The following RBM17 variants were observed in gnomAD, a reference collection of about 807,000 sequenced individuals.
RBM17 encodes the protein splicing factor 45.
Under a neutral mutation model 53.2 loss-of-function variants are expected in RBM17, and 7 were observed. The observed-to-expected ratio is 0.13, with a 90% confidence interval of 0.07 to 0.25. RBM17 has a LOEUF of 0.25. RBM17 is among the 10% of genes least tolerant of loss of function. RBM17 has a pLI of 1.00. For synonymous variants in RBM17, 167 were observed against 178.1 expected (o/e 0.94, Z 0.50); for missense variants, 257 against 496.7 (o/e 0.52, Z 4.59).
chr10:6,105,209 C>A, intron 4 of RBM17, 112 bp downstream of exon 4: 2 of 935,442 alleles, frequency 2.1e-6, no homozygotes, highest in South Asian at 3.4e-5. Context: ...CATGGGTGAT[C>A]TGAGCAGTCA....
At position 6,089,457 on chromosome 10, in the gene RBM17, C is replaced by G. The variant is rs535541293; in HGVS notation, c.-19+264C>G. ...CCTTCTCCCTCTTCCCTTCCTCCTC[C>G]TCCTCCTCATGTCTGCCTCGGGCTG... On this transcript the variant is annotated intron_variant, in intron 1 of 11. Transcript: ENST00000379888. The surrounding 1 kb of genome is among the most constrained non-coding windows in gnomAD (Gnocchi z 5.6). The G allele has an allele frequency of 1.9e-4, 29 of 154,598 alleles. No homozygotes were observed. In the South Asian group the frequency reaches 2.1e-3, roughly 11 times the overall value. 9.6% of individuals were successfully genotyped at this position (154,598 alleles called of 1,614,324 possible).
intron 1 of RBM17, among the ~76,000 whole-genome samples, chr10:6,090,984 C>A (rs970828952): frequency 1.4e-5 from 2 of 143,020 alleles, no homozygotes; most frequent in African/African-American, 5.2e-5. Context: ...GTATATTTGC[C>A]ATATATATGT....
chr10:6,089,615 C>G lies in RBM17; in HGVS notation c.-19+422C>G, dbSNP rs1840449714. On this transcript the variant is annotated intron_variant, in intron 1 of 11. Coordinates refer to ENST00000379888, the MANE Select transcript of RBM17 (RefSeq NM_032905.5). This position sits in a 1 kb window ranked among gnomAD's most constrained non-coding sequence, Gnocchi z 5.6. ...GGTTGCCCCTCTCTGGGGCTCGGAGCCGGTTCCTCCCGGGGTCTCAGAACT... is the reference window on the plus strand; with the variant it reads ...GGTTGCCCCTCTCTGGGGCTCGGAGGCGGTTCCTCCCGGGGTCTCAGAACT... 1 of 152,574 alleles carries G rather than the reference C, an allele frequency of 6.6e-6. No homozygotes were observed. Among genetic ancestry groups the G allele is most frequent in the South Asian group, 2.1e-4 (1 of 4,834 alleles). The allele number at this position is 152,574 out of a possible 1,614,324, so 9.5% of individuals were successfully genotyped here. A position where few individuals can be genotyped will look rare whatever the true frequency, so the allele number is the denominator to read the frequency against.
Position 6,106,168 on chromosome 10 carries a change from T to C in RBM17, c.435T>C (p.Ser145=), listed in dbSNP as rs550604843. The C allele has an allele frequency of 6.2e-7, 1 of 1,613,650 alleles. No homozygotes were observed. The highest frequency in any genetic ancestry group is 8.5e-7 in the Non-Finnish European group (1 of 1,179,664). Residue 145 remains serine, a synonymous_variant, in exon 5 of 12, where the codon AGT becomes AGC. Coordinates refer to ENST00000379888, the MANE Select transcript of RBM17 (RefSeq NM_032905.5). The stretch of plus-strand genomic sequence containing the variant: ...GGCGTAAAGACAGACATGAAGCAAG[T>C]GGGTTTGCAAGGAGACCAGATCCAG... ...EKRRKDRHEA[S]GFARRPDPDS...
Position 6,106,114 on chromosome 10 carries a change from G to T in RBM17, c.408-27G>T. ...GTCTCTAAATTGGTTCATCTGTGATGAACATTTATTTCCTTTGTTATCACA... is the reference window on the plus strand; with the variant it reads ...GTCTCTAAATTGGTTCATCTGTGATTAACATTTATTTCCTTTGTTATCACA... On this transcript the variant is annotated intron_variant, in intron 4 of 11. Transcript: ENST00000379888. 1.9e-6 allele frequency: 3 copies of T among 1,558,312 alleles called. No individual in the cohort carries two copies. In the South Asian group the frequency reaches 3.3e-5, roughly 17 times the overall value.
intron 1 of RBM17, among the ~76,000 whole-genome samples, chr10:6,090,253 C>T (rs907949046): frequency 2.6e-5 from 4 of 152,136 alleles, no homozygotes; most frequent in African/African-American, 9.7e-5. Flanking sequence ...CGCATATACT[C>T]AAATAGATGG....
intron 2 of RBM17, among the ~76,000 whole-genome samples, chr10:6,100,026 G>T (rs1404582681): frequency 6.6e-6 from 1 of 151,984 alleles, no homozygotes; most frequent in Non-Finnish European, 1.5e-5. Flanking sequence ...CTCCAGCCTG[G>T]TGACAGAGCA....
At chr10:6,102,369 C>T (rs1215501406) in intron 3 of RBM17, among the ~76,000 whole-genome samples, 1 of 152,126 alleles carries the variant, frequency 6.6e-6, no homozygotes, top group Non-Finnish European at 1.5e-5. Context: ...GCCTGTCCTG[C>T]TTATGTTCTG....
At chr10:6,091,268 A>G (rs1840480769) in intron 1 of RBM17, among the ~76,000 whole-genome samples, 1 of 152,208 alleles carries the variant, frequency 6.6e-6, no homozygotes, top group Non-Finnish European at 1.5e-5. Context: ...CATGTTGGCC[A>G]GGCTGGTCTC....
Position 6,112,668 on chromosome 10 carries a change from GA to G in RBM17, c.856+310del. The stretch of plus-strand genomic sequence containing the variant: ...GCAGAAAATGAGTAGTCCTCAGGAA[GA>G]AATCTTGGTTATGTGTTTAGAGCAT... On this transcript the variant is annotated intron_variant, in intron 8 of 11. Coordinates refer to ENST00000379888, the MANE Select transcript of RBM17 (RefSeq NM_032905.5). The surrounding 1 kb of genome is among the most constrained non-coding windows in gnomAD (Gnocchi z 4.4). 2.5e-6 allele frequency: 1 copy of G among 406,692 alleles called. No individual in the cohort carries two copies. Among genetic ancestry groups the G allele is most frequent in the South Asian group, 2.1e-5 (1 of 47,312 alleles). The allele number at this position is 406,692 out of a possible 1,614,324, so 25.2% of individuals were successfully genotyped here.
rs1231508655 is a variant in RBM17 at position 6,117,106 on chromosome 10, ATTG to A, written c.*1556_*1558del. 6.6e-6 allele frequency: 1 copy of A among 152,144 alleles called. No homozygotes were observed. The highest frequency in any genetic ancestry group is 1.5e-5 in the Non-Finnish European group (1 of 68,002). The allele number at this position is 152,144 out of a possible 1,614,324, so 9.4% of individuals were successfully genotyped here. A position where few individuals can be genotyped will look rare whatever the true frequency, so the allele number is the denominator to read the frequency against. The stretch of plus-strand genomic sequence containing the variant: ...CAACCCACCTTTCATGCATGCATTT[ATTG>A]TTGTTATGCTTTGTAAAACATTGTT... On this transcript the variant is annotated 3_prime_UTR_variant, in exon 12 of 12. Transcript: ENST00000379888.
chr10:6,113,475 C>G (rs1307778808), intron 8 of RBM17, 33 bp from the exon 9 acceptor site: 2 of 1,468,624 alleles, frequency 1.4e-6, no homozygotes, highest in South Asian at 1.1e-5. Flanking sequence ...CTGCTCAGTT[C>G]TGTAACACAT....
chr10:6,101,374 C>A lies in RBM17; in HGVS notation c.227C>A (p.Ala76Glu). 6.2e-7 allele frequency: 1 copy of A among 1,611,222 alleles called. No individual in the cohort carries two copies. Among genetic ancestry groups the A allele is most frequent in the Non-Finnish European group, 8.5e-7 (1 of 1,178,348 alleles). ...RQIVDTPPHV[A>E]AGLKDPVPSG... ...ATTGTGGACACTCCACCGCATGTAG[C>A]AGCTGGGCTGAAGGTAAGCCCGCGC... Residue 76 changes from alanine to glutamate, a missense_variant, in exon 3 of 12, where the codon GCA (alanine) becomes GAA (glutamate). By Grantham distance (107) the Ala-to-Glu change is moderately radical. This residue lies in a region of RBM17 where 127 missense variants were observed against 217.2 expected (regional missense o/e 0.58). Coordinates refer to ENST00000379888, the MANE Select transcript of RBM17 (RefSeq NM_032905.5).
intron 6 of RBM17, among the ~76,000 whole-genome samples, chr10:6,108,976 C>A (rs1840797329): frequency 6.6e-6 from 1 of 152,146 alleles, no homozygotes. Context: ...GGATCCATCT[C>A]TTTTTTATGC....
intron 5 of RBM17, among the ~76,000 whole-genome samples, chr10:6,107,273 G>C (rs949582037): frequency 2.0e-5 from 3 of 151,504 alleles, no homozygotes; most frequent in African/African-American, 7.3e-5. Flanking sequence ...AACCTCCTGG[G>C]TTCTAGCAAT....
Position 6,108,980 on chromosome 10 carries a change from T to A in RBM17, c.562+238T>A, listed in dbSNP as rs144170736. The stretch of plus-strand genomic sequence containing the variant: ...TTCATGCAGTGGGATCCATCTCTTT[T>A]TTATGCAATTCACTTTGATTTCATT... On this transcript the variant is annotated intron_variant, in intron 6 of 11. Transcript: ENST00000379888. 2.8e-3 allele frequency among the ~76,000 whole-genome samples: 420 copies of A among 152,358 alleles called. 3 individuals carry two copies. Among genetic ancestry groups the A allele is most frequent in the African/African-American group, 9.5e-3 (395 of 41,584 alleles).
intron 2 of RBM17, among the ~76,000 whole-genome samples, chr10:6,100,054 AAAAG>A (rs921269881): frequency 9.2e-5 from 14 of 152,236 alleles, no homozygotes; most frequent in South Asian, 4.1e-4. Flanking sequence ...ATCTCAAAAA[AAAAG>A]AAAGAAAGAA....
chr10:6,101,263 G>A lies in RBM17; in HGVS notation c.124-8G>A. ...TCAGTATGTTTTCCTTGTTTTTGAT[G>A]ATTTTAGAGCCAAAGGACGAAACAA... On this transcript the variant is annotated splice_region_variant and splice_polypyrimidine_tract_variant and intron_variant, in intron 2 of 11. Transcript: ENST00000379888. 1 of 1,556,134 alleles carries A rather than the reference G, an allele frequency of 6.4e-7. No individual in the cohort carries two copies. The highest frequency in any genetic ancestry group is 8.7e-7 in the Non-Finnish European group (1 of 1,148,628).
chr10:6,101,241 G>A (rs754738231), intron 2 of RBM17, 30 bp from the exon 3 acceptor site: 5 of 1,419,608 alleles, frequency 3.5e-6, no homozygotes, highest in Admixed American at 2.1e-5. Flanking sequence ...TGAAACTTCA[G>A]TATGTTTTCC....
Sources: gnomAD v4.1 joint callset for allele counts (sites outside exome capture counted in the v4.1 genomes callset) on GRCh38, gnomAD v4.1.1 for gene constraint, gnomAD v4.1.1 regional missense constraint, Gnocchi (gnomAD v3.1) non-coding constraint, MANE v1.5 for transcripts, NCBI Gene and HGNC (gene_info 2026-07-23, HGNC 2026-07-21) for gene names.